Variants in DGKI observed in about 807,000 individuals in gnomAD.
DGKI encodes the protein diacylglycerol kinase iota.
In DGKI, 55 loss-of-function variants were observed where a neutral mutation model predicts 147.5. The observed-to-expected ratio is 0.37, with a 90% CI of 0.30 to 0.47. The LOEUF is 0.47. Ranked by LOEUF, DGKI falls within the 20% of genes least tolerant of loss-of-function variation. DGKI has a pLI of 1.00. For synonymous variants in DGKI, 469 were observed against 477.1 expected, an observed-to-expected ratio of 0.98 and a Z score of 0.22; for missense variants, 1,007 against 1,323.8, an observed-to-expected ratio of 0.76 and a Z score of 3.71.
intron 21 of DGKI, among the ~76,000 whole-genome samples, chr7:137,498,585 T>C (rs1007417063): frequency 2.0e-5 from 3 of 152,110 alleles, no homozygotes; most frequent in Non-Finnish European, 4.4e-5. Flanking sequence ...TGGAATGTTT[T>C]TGAACTTCTC....
At chr7:137,643,962 A>C (rs1821741623) in intron 6 of DGKI, among the ~76,000 whole-genome samples, 1 of 152,160 alleles carries the variant, frequency 6.6e-6, no homozygotes, top group Non-Finnish European at 1.5e-5. Flanking sequence ...TCTCTGACCC[A>C]AAAAATGGCT....
intron 27 of DGKI, among the ~76,000 whole-genome samples, chr7:137,452,458 C>A (rs562726562): frequency 6.6e-6 from 1 of 152,302 alleles, no homozygotes; most frequent in African/African-American, 2.4e-5. Flanking sequence ...CCTTCTACAC[C>A]CTACACAGCA....
chr7:137,540,755 ACC>A (rs372555566), intron 20 of DGKI, among the ~76,000 whole-genome samples: 2 of 59,742 alleles, frequency 3.3e-5, no homozygotes, highest in Non-Finnish European at 7.0e-5. Context: ...CATTTTAAAA[ACC>A]CCCCCAAAAA....
At chr7:137,727,052 A>C (rs1285517982) in intron 1 of DGKI, among the ~76,000 whole-genome samples, 1 of 151,944 alleles carries the variant, frequency 6.6e-6, no homozygotes, top group Non-Finnish European at 1.5e-5. Context: ...GATCTGCAAA[A>C]GAAAAAAAAA....
chr7:137,555,707 G>A (rs1818202171), intron 19 of DGKI, among the ~76,000 whole-genome samples: 1 of 151,324 alleles, frequency 6.6e-6, no homozygotes, highest in African/African-American at 2.4e-5. Context: ...ATAGATTAGG[G>A]CTATTTTAAA....
intron 15 of DGKI, among the ~76,000 whole-genome samples, chr7:137,579,174 G>A (rs1745117037): frequency 1.3e-5 from 2 of 151,872 alleles, no homozygotes; most frequent in South Asian, 4.2e-4. Context: ...GCTTTCATGA[G>A]CCTTTGTGTT....
chr7:137,510,534 G>C (rs1270787857), intron 21 of DGKI, among the ~76,000 whole-genome samples: 1 of 152,228 alleles, frequency 6.6e-6, no homozygotes, highest in South Asian at 2.1e-4. Flanking sequence ...GGCCAGGCTA[G>C]CCAGATACAT....
chr7:137,690,031 A>AACAAAAACAAAG (rs1554458475), intron 1 of DGKI, 29 bp from the exon 2 acceptor site: 4 of 1,542,032 alleles, frequency 2.6e-6, no homozygotes, highest in Non-Finnish European at 3.5e-6. Context: ...CAAAAACAAA[A>AACAAAAACAAAG]ACAAAGAAAA....
At chr7:137,435,335 A>G (rs1017984728) in intron 28 of DGKI, among the ~76,000 whole-genome samples, 4 of 152,208 alleles carry the variant, frequency 2.6e-5, no homozygotes, top group Non-Finnish European at 4.4e-5. Context: ...TTGTCAGGAA[A>G]ATTCATCTTT....
rs143628445 is a variant in DGKI at position 137,684,237 on chromosome 7, C to T, written c.511-5585G>A. On this transcript the variant is annotated intron_variant, in intron 2 of 32. Coordinates refer to ENST00000614521, the MANE Select transcript of DGKI (RefSeq NM_001321708.2). ...TACTGAGGACTTAAAATGTGGTTAG[C>T]ACTAACTGAGATGTGCTTCTCTTTG... 1.4e-3 allele frequency among the ~76,000 whole-genome samples: 215 copies of T among 152,280 alleles called. 1 individual carries two copies. Among genetic ancestry groups the T allele is most frequent in the African/African-American group, 5.0e-3 (208 of 41,560 alleles).
At position 137,381,318 on chromosome 7, in the gene DGKI, C is replaced by A. The variant is rs1811056045; in HGVS notation, c.*9902G>T. 2.3e-5 allele frequency: 3 copies of A among 131,964 alleles called. No individual in the cohort carries two copies. The South Asian group carries it at 9.2e-4, about 40-fold the overall frequency. The allele number at this position is 131,964 out of a possible 1,614,324, so 8.2% of individuals were successfully genotyped here. A position where few individuals can be genotyped will look rare whatever the true frequency, so the allele number is the denominator to read the frequency against. ...CCCCCCCCCACCCACCCTCCCTCCA[C>A]TTCGTATTATCTGAATCCTCCTTTA... On this transcript the variant is annotated 3_prime_UTR_variant, in exon 33 of 33. Coordinates refer to ENST00000614521, the MANE Select transcript of DGKI (RefSeq NM_001321708.2).
intron 1 of DGKI, among the ~76,000 whole-genome samples, chr7:137,818,969 A>T (rs1289663660): frequency 1.3e-5 from 2 of 152,214 alleles, no homozygotes; most frequent in South Asian, 4.1e-4. Context: ...ATCATTGTCA[A>T]ATAAAGCTTC....
At chr7:137,745,511 T>C (rs1344090161) in intron 1 of DGKI, among the ~76,000 whole-genome samples, 1 of 152,250 alleles carries the variant, frequency 6.6e-6, no homozygotes, top group Non-Finnish European at 1.5e-5. Context: ...CACACTGTCC[T>C]GCTCCATTCT....
At chr7:137,730,069 T>C (rs1794829095) in intron 1 of DGKI, among the ~76,000 whole-genome samples, 2 of 152,160 alleles carry the variant, frequency 1.3e-5, no homozygotes, top group African/African-American at 4.8e-5. Context: ...TAAATACTGG[T>C]GCTCCCCAGA....
rs188214765 is a variant in DGKI, at chr7:137,572,614, G to A, written c.1835+151C>T. ...CAAAGAACACTAAATAAACCAAATC[G>A]GAGAATGAATTATCAGACCTAGAAA... On this transcript the variant is annotated intron_variant, in intron 18 of 32. Transcript: ENST00000614521. The A allele has an allele frequency of 1.3e-4, 77 of 578,734 alleles. No individual in the cohort carries two copies. In the East Asian group the frequency reaches 2.1e-3, roughly 16 times the overall value. The allele number at this position is 578,734 out of a possible 1,614,324, so 35.8% of individuals were successfully genotyped here. A position where few individuals can be genotyped will look rare whatever the true frequency, so the allele number is the denominator to read the frequency against.
At chr7:137,426,192 G>A (rs1812796523) in intron 28 of DGKI, among the ~76,000 whole-genome samples, 1 of 152,212 alleles carries the variant, frequency 6.6e-6, no homozygotes, top group Non-Finnish European at 1.5e-5. Context: ...CAGACTAACA[G>A]CGGATCTCTG....
intron 28 of DGKI, among the ~76,000 whole-genome samples, chr7:137,429,800 A>G (rs1812986816): frequency 7.6e-6 from 1 of 132,046 alleles, no homozygotes; most frequent in South Asian, 2.9e-4. Context: ...AACACATGAA[A>G]AAATGCTCAC....
intron 1 of DGKI, among the ~76,000 whole-genome samples, chr7:137,828,778 G>C (rs941077025): frequency 6.6e-6 from 1 of 152,110 alleles, no homozygotes; most frequent in South Asian, 2.1e-4. Context: ...AGGAATCAGG[G>C]GAGCCACAGT....
intron 27 of DGKI, among the ~76,000 whole-genome samples, chr7:137,460,955 C>T (rs778060038): frequency 2.0e-5 from 3 of 151,894 alleles, no homozygotes; most frequent in Admixed American, 1.3e-4. Flanking sequence ...TGAAGTTTAC[C>T]ACCATTATAT....
Sources: gnomAD v4.1 joint callset for allele counts (sites outside exome capture counted in the v4.1 genomes callset) on GRCh38, gnomAD v4.1.1 for gene constraint, MANE v1.5 for transcripts, NCBI Gene and HGNC (gene_info 2026-07-23, HGNC 2026-07-21) for gene names.